DCC: variants seen among roughly 807,000 people sequenced by gnomAD.
The protein encoded by DCC is DCC netrin 1 receptor, also known as netrin receptor DCC.
A neutral mutation model predicts 172.5 loss-of-function variants in DCC; 58 were observed. That is an observed-to-expected ratio of 0.34 (90% confidence interval 0.27 to 0.42). The LOEUF is 0.42. Among genes scored for constraint, DCC ranks in the 10% least tolerant of loss-of-function variants. DCC has a pLI of 1.00. For synonymous variants in DCC, 709 were observed against 644.5 expected (o/e 1.10, Z -1.52); for missense variants, 1,740 against 1,791.0 (o/e 0.97, Z 0.51).
chr18:52,509,828 G>C (rs575246457), intron 1 of DCC, among the ~76,000 whole-genome samples: 39 of 152,230 alleles, frequency 2.6e-4, no homozygotes, highest in Non-Finnish European at 4.6e-4. Flanking sequence ...CATGAGCTGG[G>C]CACGGTGGCT....
At chr18:53,293,978 C>G (rs1328355370) in intron 12 of DCC, among the ~76,000 whole-genome samples, 1 of 152,030 alleles carries the variant, frequency 6.6e-6, no homozygotes, top group African/African-American at 2.4e-5. Flanking sequence ...CCTATTTGAC[C>G]CTAATTTACT....
chr18:53,412,983 C>T (rs115251149), intron 20 of DCC, among the ~76,000 whole-genome samples: 1,775 of 152,210 alleles, frequency 0.012, 46 homozygotes, highest in African/African-American at 0.041. Context: ...CCTGCACATA[C>T]CCACCTTTCC....
intron 1 of DCC, among the ~76,000 whole-genome samples, chr18:52,534,358 A>T (rs139066849): frequency 3.9e-5 from 6 of 152,216 alleles, no homozygotes; most frequent in African/African-American, 1.4e-4. Flanking sequence ...AACTTGGCCA[A>T]GTCAGTTTTG....
chr18:53,097,898 C>A, intron 7 of DCC, among the ~76,000 whole-genome samples: 1 of 152,132 alleles, frequency 6.6e-6, no homozygotes, highest in East Asian at 1.9e-4. Flanking sequence ...GTTGTGCCCT[C>A]ACTTAACCTT....
At chr18:52,846,450 G>A (rs1158033130) in intron 2 of DCC, among the ~76,000 whole-genome samples, 6 of 152,056 alleles carry the variant, frequency 3.9e-5, no homozygotes, top group Admixed American at 1.3e-4. Context: ...TGAGGTAGGA[G>A]GATTGCTTGA....
chr18:52,909,884 A>G (rs2039944856), intron 3 of DCC, among the ~76,000 whole-genome samples: 1 of 152,214 alleles, frequency 6.6e-6, no homozygotes, highest in Non-Finnish European at 1.5e-5. Flanking sequence ...CATTACCCTC[A>G]TAAGAGCAAT....
intron 1 of DCC, among the ~76,000 whole-genome samples, chr18:52,510,271 C>T (rs947144525): frequency 6.6e-6 from 1 of 152,140 alleles, no homozygotes; most frequent in Non-Finnish European, 1.5e-5. Context: ...GTATATGCAT[C>T]CTGTCATTCA....
chr18:53,474,308 TG>T (rs1313068427), intron 25 of DCC, among the ~76,000 whole-genome samples: 1 of 152,134 alleles, frequency 6.6e-6, no homozygotes, highest in African/African-American at 2.4e-5. Context: ...CAAAACAATA[TG>T]GATAATCTCA....
chr18:53,053,226 TC>T (rs1454391843), intron 5 of DCC, among the ~76,000 whole-genome samples: 1 of 152,100 alleles, frequency 6.6e-6, no homozygotes, highest in Non-Finnish European at 1.5e-5. Flanking sequence ...AATTTTGCAT[TC>T]ATTGATGTTC....
intron 1 of DCC, among the ~76,000 whole-genome samples, chr18:52,707,967 T>C (rs1322273143): frequency 1.3e-5 from 2 of 152,160 alleles, no homozygotes; most frequent in African/African-American, 4.8e-5. Context: ...TTAAAGTGTA[T>C]TATATAGTTG....
chr18:52,797,951 C>T (rs1000043580), intron 2 of DCC, among the ~76,000 whole-genome samples: 5 of 149,982 alleles, frequency 3.3e-5, no homozygotes, highest in African/African-American at 1.2e-4. Context: ...TTCTCAGGCA[C>T]CACTGGTGGT....
intron 21 of DCC, among the ~76,000 whole-genome samples, chr18:53,420,838 C>T (rs1476817389): frequency 6.6e-6 from 1 of 152,152 alleles, no homozygotes; most frequent in Non-Finnish European, 1.5e-5. Context: ...TGTTATTTCA[C>T]TCCTTCACTA....
chr18:52,872,930 A>G (rs2039344633), intron 2 of DCC, among the ~76,000 whole-genome samples: 1 of 152,228 alleles, frequency 6.6e-6, no homozygotes, highest in Non-Finnish European at 1.5e-5. Context: ...AATTATAAAA[A>G]ATAAGCTATT....
chr18:52,797,674 A>G (rs1048668384), intron 2 of DCC, among the ~76,000 whole-genome samples: 2 of 152,086 alleles, frequency 1.3e-5, no homozygotes, highest in Admixed American at 6.5e-5. Context: ...AGGCCTCTGG[A>G]TGGTGTGTGC....
intron 1 of DCC, among the ~76,000 whole-genome samples, chr18:52,568,021 A>T (rs1453855621): frequency 6.6e-6 from 1 of 152,114 alleles, no homozygotes. Flanking sequence ...GCAAATATCA[A>T]TTTTTTGGTT....
At chr18:52,442,790 A>G (rs1370279176) in intron 1 of DCC, among the ~76,000 whole-genome samples, 2 of 152,210 alleles carry the variant, frequency 1.3e-5, no homozygotes, top group African/African-American at 4.8e-5. Context: ...TTCCACACAG[A>G]TGCTTTCCCT....
At chr18:53,522,660 C>T (rs561371906) in intron 27 of DCC, among the ~76,000 whole-genome samples, 70 of 151,614 alleles carry the variant, frequency 4.6e-4, no homozygotes, top group African/African-American at 7.0e-4. Context: ...CAAAAAGCAC[C>T]GGGGAAAGGA....
chr18:52,467,822 G>A (rs1311326688), intron 1 of DCC, among the ~76,000 whole-genome samples: 1 of 152,076 alleles, frequency 6.6e-6, no homozygotes, highest in Non-Finnish European at 1.5e-5. Context: ...TTTTTCATAT[G>A]TTTGTTGGCC....
intron 5 of DCC, chr18:52,964,961 C>T (rs1022175340): frequency 3.9e-5 from 6 of 152,114 alleles, no homozygotes; most frequent in Non-Finnish European, 7.3e-5. Flanking sequence ...ATCATCTTTC[C>T]TCTCTGATCC....
Sources: gnomAD v4.1 joint callset for allele counts (sites outside exome capture counted in the v4.1 genomes callset) on GRCh38, gnomAD v4.1.1 for gene constraint, MANE v1.5 for transcripts, NCBI Gene and HGNC (gene_info 2026-07-23, HGNC 2026-07-21) for gene names.